KAT7: variants seen among roughly 807,000 people sequenced by gnomAD.
KAT7 encodes the protein histone acetyltransferase KAT7.
In KAT7, 10 loss-of-function variants were observed where a neutral mutation model predicts 82.1. The observed-to-expected ratio is 0.12, with a 90% confidence interval of 0.08 to 0.21. The LOEUF (loss-of-function observed/expected upper bound fraction) is 0.21. KAT7 is among the 10% of genes least tolerant of loss of function. The probability of loss-of-function intolerance (pLI) is 1.00; values close to 1 mark genes in which losing one functional copy is unlikely to be tolerated. For missense variants in KAT7, 378 were observed against 760.9 expected, an observed-to-expected ratio of 0.50 and a Z score of 5.92; for synonymous variants, 250 against 262.5, an observed-to-expected ratio of 0.95 and a Z score of 0.46.
In KAT7 at chr17:49,811,568, A is replaced by G. The variant is rs1202353669; in HGVS notation, c.846A>G (p.Lys282=). The G allele has an allele frequency of 1.4e-6, 2 of 1,477,958 alleles. No individual in the cohort carries two copies. The highest frequency in any genetic ancestry group is 1.8e-6 in the Non-Finnish European group (2 of 1,096,994). The allele number at this position is 1,477,958 out of a possible 1,614,324, so 91.6% of individuals were successfully genotyped here. The change falls in exon 7 of 15, where the codon AAA becomes AAG. Residue 282 remains lysine, a synonymous_variant. Coordinates refer to ENST00000259021, the MANE Select transcript of KAT7 (RefSeq NM_007067.5). ...GACTGAGCAAAGAACAGAAAGAGAAATATATGGTGAGGGAAAGTTAAATAT... is the reference window on the plus strand; with the variant it reads ...GACTGAGCAAAGAACAGAAAGAGAAGTATATGGTGAGGGAAAGTTAAATAT... ...NSGLSKEQKE[K]YMEHRQTYGN... is the part of the protein sequence containing the mutation.
At chr17:49,800,010 C>CTT (rs10694119) in intron 4 of KAT7, among the ~76,000 whole-genome samples, 7,130 of 98,392 alleles carry the variant, frequency 0.072, 764 homozygotes, top group African/African-American at 0.1. Flanking sequence ...GTTTCCTGGC[C>CTT]TTTTTTTTTT....
chr17:49,810,486 A>G (rs900983951), intron 6 of KAT7, among the ~76,000 whole-genome samples: 3 of 152,066 alleles, frequency 2.0e-5, no homozygotes, highest in African/African-American at 7.3e-5. Flanking sequence ...TAAACTCCTG[A>G]CCTCCAGTAA....
Position 49,834,767 on chromosome 17 carries a change from C to G in KAT7, c.*7265C>G, listed in dbSNP as rs2074449911. On this transcript the variant is annotated 3_prime_UTR_variant, in exon 15 of 15. Coordinates refer to ENST00000259021, the MANE Select transcript of KAT7 (RefSeq NM_007067.5). ...CACAGAGTGTTTCCAAAGTTAGTAT[C>G]AGGCCAGGCATGGTGGGAGGATCAC... The G allele has an allele frequency of 6.6e-6, 1 of 152,148 alleles. No homozygotes were observed. The highest frequency in any genetic ancestry group is 1.5e-5 in the Non-Finnish European group (1 of 68,036). The allele number at this position is 152,148 out of a possible 1,614,324, so 9.4% of individuals were successfully genotyped here.
intron 4 of KAT7, among the ~76,000 whole-genome samples, chr17:49,800,915 A>AT (rs902614705): frequency 6.6e-6 from 1 of 152,184 alleles, no homozygotes; most frequent in African/African-American, 2.4e-5. Flanking sequence ...ATATGGTCAC[A>AT]TTTGAGCGGA....
chr17:49,806,012 A>G (rs539470391), intron 5 of KAT7, among the ~76,000 whole-genome samples: 1 of 152,342 alleles, frequency 6.6e-6, no homozygotes, highest in East Asian at 1.9e-4. Context: ...AGAAGCTCAG[A>G]TCCCATTTGT....
At chr17:49,806,857 C>T (rs562586897) in intron 5 of KAT7, among the ~76,000 whole-genome samples, 3 of 152,230 alleles carry the variant, frequency 2.0e-5, no homozygotes, top group East Asian at 1.9e-4. Flanking sequence ...GGGCATTAGG[C>T]GCAGAATAAT....
At chr17:49,803,832 A>G (rs2074056419) in intron 4 of KAT7, among the ~76,000 whole-genome samples, 1 of 151,686 alleles carries the variant, frequency 6.6e-6, no homozygotes, top group South Asian at 2.1e-4. Context: ...AGTTTATTCT[A>G]TAAATTATGT....
chr17:49,814,891 T>A (rs1402305992), intron 7 of KAT7: 3 of 152,234 alleles, frequency 2.0e-5, no homozygotes, highest in African/African-American at 7.2e-5. Context: ...GTAATATGTG[T>A]GTGAAATCTA....
At chr17:49,810,991 C>T (rs1214467462) in intron 6 of KAT7, among the ~76,000 whole-genome samples, 1 of 151,936 alleles carries the variant, frequency 6.6e-6, no homozygotes, top group Non-Finnish European at 1.5e-5. Flanking sequence ...AGAGCGAGAC[C>T]CTGCCTCAAA....
chr17:49,833,646 G>C lies in KAT7; in HGVS notation c.*6144G>C, dbSNP rs1407273704. Reference sequence around the variant, plus strand: ...GAGAGACGATGCATAGGAGAACCAAGGTGCTCTAGTCACAGCACTAAAAGC... The same window carrying C: ...GAGAGACGATGCATAGGAGAACCAACGTGCTCTAGTCACAGCACTAAAAGC... On this transcript the variant is annotated 3_prime_UTR_variant, in exon 15 of 15. Coordinates refer to ENST00000259021, the MANE Select transcript of KAT7 (RefSeq NM_007067.5). 4 of 152,164 alleles carry C rather than the reference G, an allele frequency of 2.6e-5. No individual in the cohort carries two copies. The highest frequency in any genetic ancestry group is 2.6e-4 in the Admixed American group (4 of 15,270). The allele number at this position is 152,164 out of a possible 1,614,324, so 9.4% of individuals were successfully genotyped here. A position where few individuals can be genotyped will look rare whatever the true frequency, so the allele number is the denominator to read the frequency against.
chr17:49,818,174 AGAGCCT>A (rs1478359141), intron 9 of KAT7, among the ~76,000 whole-genome samples, 163 bp downstream of exon 9: 5 of 152,348 alleles, frequency 3.3e-5, no homozygotes, highest in Admixed American at 3.3e-4. Context: ...GGCGGGGTAT[AGAGCCT>A]GAGGTATGGC....
chr17:49,802,131 T>C (rs919092061), intron 4 of KAT7, among the ~76,000 whole-genome samples: 2 of 152,242 alleles, frequency 1.3e-5, no homozygotes, highest in Non-Finnish European at 2.9e-5. Flanking sequence ...ATTGATAGTT[T>C]ATAAATTATT....
chr17:49,817,789 C>T, intron 8 of KAT7, 31 bp from the exon 9 acceptor site: 9 of 1,572,806 alleles, frequency 5.7e-6, no homozygotes, highest in Admixed American at 1.7e-5. Flanking sequence ...AAATTCTGAT[C>T]CTCCTTTGAC....
In KAT7 at chr17:49,809,300, A is replaced by G. The variant is rs1202193006; in HGVS notation, c.753+92A>G. 4.6e-6 allele frequency: 4 copies of G among 862,020 alleles called. No homozygotes were observed. The African/African-American group carries it at 5.0e-5, about 11-fold the overall frequency. 53.4% of individuals were successfully genotyped at this position (862,020 alleles called of 1,614,324 possible). On this transcript the variant is annotated intron_variant, in intron 6 of 14. Transcript: ENST00000259021. ...TTGTCTTCAGGCATGTCTGTGCCTC[A>G]TTTCCTGTGGTATATCTTCCAGATG...
intron 4 of KAT7, among the ~76,000 whole-genome samples, chr17:49,800,279 G>A (rs1374798977): frequency 6.6e-6 from 1 of 152,138 alleles, no homozygotes; most frequent in Admixed American, 6.5e-5. Flanking sequence ...CCAAAGTGCT[G>A]GGATTACAGG....
chr17:49,802,900 T>C (rs1386058215), intron 4 of KAT7, among the ~76,000 whole-genome samples: 3 of 151,266 alleles, frequency 2.0e-5, no homozygotes, highest in African/African-American at 7.3e-5. Flanking sequence ...TAATTATTTT[T>C]CTTTTTGTAG....
chr17:49,815,554 T>C (rs946760519), intron 7 of KAT7: 5 of 355,050 alleles, frequency 1.4e-5, no homozygotes, highest in African/African-American at 1.0e-4. Context: ...TTTTCAGAGA[T>C]AGAAGAATGA....
At chr17:49,813,000 C>CTTTTTTTTTTTTTT (rs34339283) in intron 7 of KAT7, among the ~76,000 whole-genome samples, 2 of 102,790 alleles carry the variant, frequency 1.9e-5, no homozygotes, top group Non-Finnish European at 3.9e-5. Flanking sequence ...TGCACCCAGC[C>CTTTTTTTTTTTTTT]TTTTTTTTTT....
chr17:49,825,463 A>G (rs1365772093), intron 12 of KAT7, among the ~76,000 whole-genome samples: 1 of 152,198 alleles, frequency 6.6e-6, no homozygotes, highest in African/African-American at 2.4e-5. Context: ...TTTAGTGCCT[A>G]TTACAGTAGT....
Sources: gnomAD v4.1 joint callset for allele counts (sites outside exome capture counted in the v4.1 genomes callset) on GRCh38, gnomAD v4.1.1 for gene constraint, MANE v1.5 for transcripts, NCBI Gene and HGNC (gene_info 2026-07-23, HGNC 2026-07-21) for gene names.